PARD3B: variants seen among roughly 807,000 people sequenced by gnomAD.
The protein encoded by PARD3B is partitioning defective 3 homolog B.
Under a neutral mutation model 130.2 loss-of-function variants are expected in PARD3B, and 103 were observed. That is an observed-to-expected ratio of 0.79 (90% CI 0.67 to 0.93). The LOEUF (loss-of-function observed/expected upper bound fraction) is 0.93, where lower values mean the gene tolerates loss of function less well. Ranked by LOEUF, PARD3B falls within the 40% of genes least tolerant of loss-of-function variation. PARD3B has a pLI of 0.00. For missense variants in PARD3B, 1,609 were observed against 1,499.2 expected, an observed-to-expected ratio of 1.07 and a Z score of -1.21; for synonymous variants, 583 against 553.2, an observed-to-expected ratio of 1.05 and a Z score of -0.76.
Position 205,585,330 on chromosome 2 carries a change from G to A in PARD3B, c.3261-30126G>A, listed in dbSNP as rs1459309717. Among the ~76,000 whole-genome samples the A allele has an allele frequency of 6.6e-6, 1 of 152,142 alleles. No homozygotes were observed. Among genetic ancestry groups the A allele is most frequent in the African/African-American group, 2.4e-5 (1 of 41,432 alleles). Reference sequence around the variant, plus strand: ...CTGTCAACCTGAGTAGCCTTAGAGTGGATTCCACCCTGCTGGGGCTGGCTG... The same window carrying A: ...CTGTCAACCTGAGTAGCCTTAGAGTAGATTCCACCCTGCTGGGGCTGGCTG... On this transcript the variant is annotated intron_variant, in intron 22 of 22. Transcript: ENST00000406610. This position sits in a 1 kb window ranked among gnomAD's most constrained non-coding sequence, Gnocchi z 5.4.
chr2:204,837,752 G>T (rs551926212), intron 2 of PARD3B, among the ~76,000 whole-genome samples: 2 of 152,126 alleles, frequency 1.3e-5, no homozygotes, highest in South Asian at 4.1e-4. Flanking sequence ...TAATCATTTC[G>T]AATTTTCACC....
intron 22 of PARD3B, among the ~76,000 whole-genome samples, chr2:205,612,432 G>A (rs927395915): frequency 3.9e-5 from 6 of 152,026 alleles, no homozygotes; most frequent in African/African-American, 9.7e-5. Flanking sequence ...ATGAGCCACC[G>A]CCCCCGGCCA....
chr2:205,403,690 C>A (rs964173111), intron 19 of PARD3B, among the ~76,000 whole-genome samples: 2 of 152,166 alleles, frequency 1.3e-5, no homozygotes, highest in Admixed American at 1.3e-4. Flanking sequence ...GCCCAGGAAT[C>A]TGTGTTTCAT....
At chr2:205,418,828 T>C (rs943195711) in intron 19 of PARD3B, among the ~76,000 whole-genome samples, 1 of 152,212 alleles carries the variant, frequency 6.6e-6, no homozygotes. Context: ...TGACAGAATA[T>C]AGTAAAAAGT....
Position 205,397,826 on chromosome 2 carries a change from C to T in PARD3B, c.2631-3187C>T, listed in dbSNP as rs966669616. 6.6e-6 allele frequency among the ~76,000 whole-genome samples: 1 copy of T among 152,092 alleles called. No individual in the cohort carries two copies. On this transcript the variant is annotated intron_variant, in intron 18 of 22. Coordinates refer to ENST00000406610, the MANE Select transcript of PARD3B (RefSeq NM_001302769.2). The surrounding 1 kb of genome is among the most constrained non-coding windows in gnomAD (Gnocchi z 4.8). Reference sequence around the variant, plus strand: ...AAAGTTATGTATCTCAAGTGATGTACTGAGCTATTAACTTCTCACGTAAAC... The same window carrying T: ...AAAGTTATGTATCTCAAGTGATGTATTGAGCTATTAACTTCTCACGTAAAC...
At position 205,351,480 on chromosome 2, in the gene PARD3B, G is replaced by A. The variant is rs2043992568; in HGVS notation, c.2631-49533G>A. 6.6e-6 allele frequency among the ~76,000 whole-genome samples: 1 copy of A among 152,170 alleles called. No individual in the cohort carries two copies. The highest frequency in any genetic ancestry group is 2.1e-4 in the South Asian group (1 of 4,828). ...GATTTTGCCAACTGCACCTGGTGCT[G>A]AGTGAGTGGTAGCATAAGCAATTTG... On this transcript the variant is annotated intron_variant, in intron 18 of 22. Transcript: ENST00000406610. This position sits in a 1 kb window ranked among gnomAD's most constrained non-coding sequence, Gnocchi z 4.2.
intron 21 of PARD3B, among the ~76,000 whole-genome samples, chr2:205,523,241 ATT>A (rs2051170311): frequency 1.4e-5 from 2 of 145,332 alleles, no homozygotes; most frequent in African/African-American, 5.1e-5. Context: ...ATATATATAT[ATT>A]TATATATATA....
At chr2:204,651,310 T>C (rs1303449872) in intron 1 of PARD3B, among the ~76,000 whole-genome samples, 1 of 152,230 alleles carries the variant, frequency 6.6e-6, no homozygotes, top group African/African-American at 2.4e-5. Flanking sequence ...GTACAGGCAT[T>C]GGGTAGATGC....
At chr2:205,178,175 A>AATT (rs2035582880) in intron 13 of PARD3B, among the ~76,000 whole-genome samples, 1 of 148,920 alleles carries the variant, frequency 6.7e-6, no homozygotes, top group African/African-American at 2.5e-5. Flanking sequence ...AAAAAAAAAA[A>AATT]AAATTAGTCT....
intron 18 of PARD3B, among the ~76,000 whole-genome samples, chr2:205,383,311 A>G (rs961218691): frequency 6.6e-5 from 10 of 152,022 alleles, no homozygotes; most frequent in African/African-American, 2.4e-4. Context: ...TGCAGTAAGA[A>G]AGCTGTCTCT....
chr2:205,566,720 G>C (rs886100499), intron 22 of PARD3B, among the ~76,000 whole-genome samples: 1 of 152,146 alleles, frequency 6.6e-6, no homozygotes, highest in Non-Finnish European at 1.5e-5. Flanking sequence ...CATGAAAACT[G>C]AGCAAAAGAC....
chr2:204,549,385 G>A (rs910957963), intron 1 of PARD3B, among the ~76,000 whole-genome samples: 7 of 152,174 alleles, frequency 4.6e-5, no homozygotes, highest in African/African-American at 9.7e-5. Context: ...GGTGGGGATC[G>A]TTGAGTAATT....
chr2:205,536,186 G>A (rs1000773747), intron 21 of PARD3B, among the ~76,000 whole-genome samples: 4 of 152,168 alleles, frequency 2.6e-5, no homozygotes, highest in African/African-American at 4.8e-5. Context: ...GAATTGTGAG[G>A]TGGAACAAGC....
At chr2:205,400,184 T>C (rs1189868734) in intron 18 of PARD3B, among the ~76,000 whole-genome samples, 1 of 152,214 alleles carries the variant, frequency 6.6e-6, no homozygotes, top group East Asian at 1.9e-4. Context: ...TTTCTCACTC[T>C]CTATTGCATT....
chr2:204,707,221 C>A (rs2038210008), intron 2 of PARD3B, among the ~76,000 whole-genome samples: 1 of 152,140 alleles, frequency 6.6e-6, no homozygotes, highest in African/African-American at 2.4e-5. Context: ...GAAATCCAGA[C>A]CACATGAAGC....
Position 205,226,331 on chromosome 2 carries a change from C to T in PARD3B, c.2141-19447C>T, listed in dbSNP as rs184414899. Among the ~76,000 whole-genome samples, 17 of 152,306 alleles carry T rather than the reference C, an allele frequency of 1.1e-4. 1 individual carries two copies. In the South Asian group the frequency reaches 2.1e-3, roughly 19 times the overall value. On this transcript the variant is annotated intron_variant, in intron 15 of 22. Coordinates refer to ENST00000406610, the MANE Select transcript of PARD3B (RefSeq NM_001302769.2). Reference sequence around the variant, plus strand: ...CTGGGATCACAGGCATGAGCCACCACGCCCGGCCAAAAAAGCTTTTTAATT... The same window carrying T: ...CTGGGATCACAGGCATGAGCCACCATGCCCGGCCAAAAAAGCTTTTTAATT...
intron 2 of PARD3B, among the ~76,000 whole-genome samples, chr2:204,706,151 A>G (rs2038137188): frequency 6.6e-6 from 1 of 152,114 alleles, no homozygotes; most frequent in Admixed American, 6.6e-5. Flanking sequence ...GAGGATCATG[A>G]GGTCAGGAGA....
rs146185184 is a variant in PARD3B, at chr2:204,972,647, G to C, written c.394+7324G>C. 2.1e-3 allele frequency among the ~76,000 whole-genome samples: 313 copies of C among 152,192 alleles called. 1 individual carries two copies. Among genetic ancestry groups the C allele is most frequent in the Non-Finnish European group, 3.7e-3 (250 of 68,004 alleles). ...ACCATTTAACCAAAAATATAAGACA[G>C]TACATAAAACCAAGCTCTCATTTTT... On this transcript the variant is annotated intron_variant, in intron 3 of 22. Transcript: ENST00000406610.
chr2:204,796,328 T>C (rs546443808), intron 2 of PARD3B, among the ~76,000 whole-genome samples: 2 of 152,282 alleles, frequency 1.3e-5, no homozygotes, highest in African/African-American at 2.4e-5. Context: ...TGGGAAGATA[T>C]ATTATCTGGC....
Sources: gnomAD v4.1 joint callset for allele counts (sites outside exome capture counted in the v4.1 genomes callset) on GRCh38, gnomAD v4.1.1 for gene constraint, Gnocchi (gnomAD v3.1) non-coding constraint, MANE v1.5 for transcripts, NCBI Gene and HGNC (gene_info 2026-07-23, HGNC 2026-07-21) for gene names.